The following C1QTNF3 variants were observed in gnomAD, a reference collection of about 807,000 sequenced individuals.
C1QTNF3 encodes C1q and TNF related 3, also known as complement C1q tumor necrosis factor-related protein 3.
C1QTNF3 carries 26 observed loss-of-function variants against 32.6 expected under a neutral mutation model. The ratio of observed to expected loss-of-function variants is 0.80; its 90% CI spans 0.58 to 1.11. C1QTNF3 has a LOEUF of 1.11. Among genes scored for constraint, C1QTNF3 ranks in the 50% least tolerant of loss-of-function variants. The probability of loss-of-function intolerance (pLI) is 0.00; values close to 1 mark genes in which losing one functional copy is unlikely to be tolerated. For missense variants in C1QTNF3, 362 were observed against 398.2 expected (o/e 0.91, Z 0.77); for synonymous variants, 155 against 146.0 (o/e 1.06, Z -0.44).
At chr5:34,064,918 G>A in the C1QTNF3 span, among the ~76,000 whole-genome samples, 2 of 152,174 alleles carry the variant, frequency 1.3e-5, no homozygotes, top group East Asian at 1.9e-4. Flanking sequence ...TAATCACATT[G>A]AGGATTTAAG....
At chr5:34,230,552 A>C in the C1QTNF3 span, among the ~76,000 whole-genome samples, 1 of 152,218 alleles carries the variant, frequency 6.6e-6, no homozygotes, top group Non-Finnish European at 1.5e-5. Flanking sequence ...TTTTAAAAAT[A>C]TTTTATATTT....
At chr5:34,235,036 C>A in the C1QTNF3 span, among the ~76,000 whole-genome samples, 1 of 152,070 alleles carries the variant, frequency 6.6e-6, no homozygotes, top group Non-Finnish European at 1.5e-5. Flanking sequence ...GCCTCATTTC[C>A]TTCTTTTTTC....
chr5:34,138,965 T>G, the C1QTNF3 span, among the ~76,000 whole-genome samples: 5,900 of 151,890 alleles, frequency 0.039, 302 homozygotes, highest in African/African-American at 0.11. Context: ...AAACCAATGT[T>G]AGGGATTATT....
the C1QTNF3 span, among the ~76,000 whole-genome samples, chr5:34,072,175 A>G: frequency 6.6e-6 from 1 of 151,534 alleles, no homozygotes; most frequent in Non-Finnish European, 1.5e-5. Context: ...TGCTGGGGGA[A>G]TGGGGTCTCC....
chr5:34,244,062 T>C, the C1QTNF3 span, among the ~76,000 whole-genome samples: 1 of 152,220 alleles, frequency 6.6e-6, no homozygotes, highest in South Asian at 2.1e-4. Flanking sequence ...GGTTTCTAAA[T>C]CTCTCTGGTT....
At chr5:34,121,046 C>T in the C1QTNF3 span, among the ~76,000 whole-genome samples, 1 of 152,022 alleles carries the variant, frequency 6.6e-6, no homozygotes, top group African/African-American at 2.4e-5. Flanking sequence ...TCATTAAGAA[C>T]ATCTTCCATA....
chr5:34,211,591 T>A, the C1QTNF3 span, among the ~76,000 whole-genome samples: 21 of 137,822 alleles, frequency 1.5e-4, no homozygotes, highest in Middle Eastern at 8.5e-3. Context: ...CCTTCCTGTG[T>A]CCACGTGTTC....
At chr5:34,159,549 G>A in the C1QTNF3 span, among the ~76,000 whole-genome samples, 1 of 152,020 alleles carries the variant, frequency 6.6e-6, no homozygotes, top group Non-Finnish European at 1.5e-5. Flanking sequence ...ACAGGTTCCA[G>A]AAACAATTTA....
intron 3 of C1QTNF3, among the ~76,000 whole-genome samples, chr5:34,029,942 T>G (rs1754568481): frequency 1.3e-5 from 2 of 152,234 alleles, no homozygotes; most frequent in Admixed American, 1.3e-4. Flanking sequence ...CATAACTGTA[T>G]GTTAACAGTA....
chr5:34,196,859 A>T, the C1QTNF3 span, among the ~76,000 whole-genome samples: 44 of 152,358 alleles, frequency 2.9e-4, no homozygotes, highest in African/African-American at 1.1e-3. Context: ...ATGGGGTTTC[A>T]CCGTCTTAGT....
At chr5:34,229,803 A>T in the C1QTNF3 span, among the ~76,000 whole-genome samples, 3 of 152,180 alleles carry the variant, frequency 2.0e-5, no homozygotes, top group Non-Finnish European at 2.9e-5. Context: ...ATAATCTATT[A>T]ATTGGCAGTG....
chr5:34,104,918 C>T, the C1QTNF3 span, among the ~76,000 whole-genome samples: 1 of 151,628 alleles, frequency 6.6e-6, no homozygotes, highest in Admixed American at 6.6e-5. Flanking sequence ...TTCCTATAGG[C>T]TTCTGTGAGA....
At chr5:34,113,670 C>CTA in the C1QTNF3 span, among the ~76,000 whole-genome samples, 1 of 151,978 alleles carries the variant, frequency 6.6e-6, no homozygotes, top group Non-Finnish European at 1.5e-5. Flanking sequence ...TACTCTCTCT[C>CTA]TATATATATG....
At chr5:34,028,261 C>T (rs1051720801) in intron 4 of C1QTNF3, among the ~76,000 whole-genome samples, 10 of 152,180 alleles carry the variant, frequency 6.6e-5, no homozygotes, top group Non-Finnish European at 1.5e-4. Flanking sequence ...CATGAGCCAC[C>T]GCGCCGGGCC....
chr5:34,210,721 T>G, the C1QTNF3 span, among the ~76,000 whole-genome samples: 1 of 152,060 alleles, frequency 6.6e-6, no homozygotes, highest in Non-Finnish European at 1.5e-5. Context: ...ATATTTTTAC[T>G]TCCAAGATTA....
chr5:34,140,220 T>C, the C1QTNF3 span, among the ~76,000 whole-genome samples: 1 of 152,212 alleles, frequency 6.6e-6, no homozygotes, highest in African/African-American at 2.4e-5. Context: ...AATTAGAATC[T>C]TTATTCTAGG....
the C1QTNF3 span, among the ~76,000 whole-genome samples, chr5:34,202,675 T>G: frequency 3.9e-5 from 6 of 152,156 alleles, no homozygotes; most frequent in Non-Finnish European, 7.3e-5. Context: ...TATGTATATG[T>G]TAACTTTTAT....
the C1QTNF3 span, among the ~76,000 whole-genome samples, chr5:34,066,612 C>T: frequency 3.2e-3 from 481 of 151,342 alleles, 5 homozygotes; most frequent in African/African-American, 0.011. Context: ...ATAATGACGG[C>T]GAAATTTAAA....
chr5:34,144,063 A>C, the C1QTNF3 span, among the ~76,000 whole-genome samples: 31 of 152,338 alleles, frequency 2.0e-4, 1 homozygote, highest in East Asian at 5.8e-3. Context: ...GCTCAAAGCA[A>C]AATGATAGAG....
Sources: gnomAD v4.1 joint callset for allele counts (sites outside exome capture counted in the v4.1 genomes callset) on GRCh38, gnomAD v4.1.1 for gene constraint, MANE v1.5 for transcripts, NCBI Gene and HGNC (gene_info 2026-07-23, HGNC 2026-07-21) for gene names.